KMT5C: variants seen among roughly 807,000 people sequenced by gnomAD.
KMT5C encodes the protein histone-lysine N-methyltransferase KMT5C.
In KMT5C, 16 loss-of-function variants were observed where a neutral mutation model predicts 38.2. That is an observed-to-expected ratio of 0.42 (90% CI 0.28 to 0.64). KMT5C has a LOEUF of 0.64. KMT5C is among the 30% of genes least tolerant of loss of function. The probability of loss-of-function intolerance (pLI) is 0.23; values close to 1 mark genes in which losing one functional copy is unlikely to be tolerated. For missense variants in KMT5C, 598 were observed against 665.1 expected (o/e 0.90, Z 1.11); for synonymous variants, 291 against 279.0 (o/e 1.04, Z -0.43).
intron 8 of KMT5C, 67 bp downstream of exon 8, chr19:55,346,754 C>A: frequency 7.5e-7 from 1 of 1,336,644 alleles, no homozygotes; most frequent in Non-Finnish European, 1.0e-6. Context: ...TGTCTCCTTT[C>A]TTCTGAGCTC....
Position 55,347,360 on chromosome 19 carries a change from G to T in KMT5C, c.1300G>T (p.Ala434Ser). The T allele has an allele frequency of 3.2e-6, 5 of 1,581,514 alleles. No homozygotes were observed. Among genetic ancestry groups the T allele is most frequent in the Non-Finnish European group, 3.4e-6 (4 of 1,168,672 alleles). The change falls in exon 9 of 9, where the codon GCC (alanine) becomes TCC (serine). Residue 434 changes from alanine to serine, a missense_variant. Physicochemically the swap from Ala to Ser is moderately conservative, Grantham distance 99 (BLOSUM62 1). Coordinates refer to ENST00000255613, the MANE Select transcript of KMT5C (RefSeq NM_032701.4). The surrounding 1 kb of genome is among the most constrained non-coding windows in gnomAD (Gnocchi z 4.6). ...GPILIPKQAL[A>S]FAPFSPPKRL... ...CATCCTGATCCCGAAGCAGGCCCTC[G>T]CCTTCGCCCCCTTCTCCCCACCCAA...
At chr19:55,345,927 A>G in intron 6 of KMT5C, 1 of 470,692 alleles carries the variant, frequency 2.1e-6, no homozygotes, top group Non-Finnish European at 3.9e-6. Flanking sequence ...CAGAGGCTGG[A>G]GGGAGTGGTC....
intron 1 of KMT5C, among the ~76,000 whole-genome samples, chr19:55,340,486 A>T (rs906592484): frequency 6.6e-6 from 1 of 150,738 alleles, no homozygotes; most frequent in African/African-American, 2.4e-5. Flanking sequence ...CACTCCCTGG[A>T]CCCTGAGGTC....
Position 55,342,058 on chromosome 19 carries a change from T to G in KMT5C, c.110+12T>G, listed in dbSNP as rs773616066. On this transcript the variant is annotated intron_variant, in intron 2 of 8. Coordinates refer to ENST00000255613, the MANE Select transcript of KMT5C (RefSeq NM_032701.4). ...AAGATGAACGTCAGGTGAGGTGGCC[T>G]GGGGGCGAGGGTGGGCCCGAGGGGT... is the stretch of plus-strand genomic sequence containing the variant. The G allele has an allele frequency of 1.9e-6, 3 of 1,608,144 alleles. No homozygotes were observed. The highest frequency in any genetic ancestry group is 2.6e-6 in the Non-Finnish European group (3 of 1,175,178).
chr19:55,345,320 C>T (rs1425720052), intron 6 of KMT5C: 16 of 347,206 alleles, frequency 4.6e-5, no homozygotes, highest in African/African-American at 6.4e-5. Flanking sequence ...CCTTGGGGTC[C>T]GGGCCAGGGA....
rs1426975523 is a variant in KMT5C, at chr19:55,347,571, G to C, written c.*122G>C. On this transcript the variant is annotated 3_prime_UTR_variant, in exon 9 of 9. Coordinates refer to ENST00000255613, the MANE Select transcript of KMT5C (RefSeq NM_032701.4). The surrounding 1 kb of genome is among the most constrained non-coding windows in gnomAD (Gnocchi z 4.6). ...TGACCCTTGACTCCAGCATAGCTCTGACCCTGGAATGGGGTTGGTTTGGAC... is the reference window on the plus strand; with the variant it reads ...TGACCCTTGACTCCAGCATAGCTCTCACCCTGGAATGGGGTTGGTTTGGAC... 1 of 1,408,546 alleles carries C rather than the reference G, an allele frequency of 7.1e-7. No individual in the cohort carries two copies. The highest frequency in any genetic ancestry group is 1.5e-5 in the African/African-American group (1 of 67,980). The allele number at this position is 1,408,546 out of a possible 1,614,324, so 87.3% of individuals were successfully genotyped here.
chr19:55,344,513 G>A (rs921673989), intron 6 of KMT5C: 1 of 366,330 alleles, frequency 2.7e-6, no homozygotes, highest in Non-Finnish European at 5.5e-6. Flanking sequence ...TGTTTGTGCA[G>A]TTGCACTGGA....
intron 1 of KMT5C, 98 bp from the exon 2 acceptor site, chr19:55,341,696 A>G (rs1256181021): frequency 7.1e-6 from 4 of 560,028 alleles, no homozygotes; most frequent in African/African-American, 3.8e-5. Flanking sequence ...GATGGCTGAC[A>G]TGGCTCTGGG....
Position 55,346,694 on chromosome 19 carries a change from AC to A in KMT5C, c.895+11del. The A allele has an allele frequency of 2.6e-6, 4 of 1,538,408 alleles. No individual in the cohort carries two copies. Among genetic ancestry groups the A allele is most frequent in the South Asian group, 1.2e-5 (1 of 82,314 alleles). On this transcript the variant is annotated splice_region_variant and intron_variant, in intron 8 of 8. Coordinates refer to ENST00000255613, the MANE Select transcript of KMT5C (RefSeq NM_032701.4). ...CGCCGGGACCCATTCTGCGGTGAGC[AC>A]CCCTCCCTGCCATCCCAGCAGCCCC...
intron 6 of KMT5C, chr19:55,345,207 C>T: frequency 2.6e-6 from 1 of 382,344 alleles, no homozygotes; most frequent in South Asian, 1.9e-5. Context: ...GTAGAATTTC[C>T]CTAGGTGTTA....
In KMT5C at chr19:55,347,585, GTTGGT is replaced by G; in HGVS notation, c.*141_*145del. The G allele has an allele frequency of 5.8e-6, 8 of 1,383,516 alleles. No homozygotes were observed. The highest frequency in any genetic ancestry group is 6.6e-6 in the Non-Finnish European group (7 of 1,063,914). 85.7% of individuals were successfully genotyped at this position (1,383,516 alleles called of 1,614,324 possible). On this transcript the variant is annotated 3_prime_UTR_variant, in exon 9 of 9. Coordinates refer to ENST00000255613, the MANE Select transcript of KMT5C (RefSeq NM_032701.4). The surrounding 1 kb of genome is among the most constrained non-coding windows in gnomAD (Gnocchi z 4.6). ...AGCATAGCTCTGACCCTGGAATGGG[GTTGGT>G]TTGGACACCCCCAGGGATCTGAGCC...
chr19:55,345,243 G>A (rs944092200), intron 6 of KMT5C: 6 of 365,794 alleles, frequency 1.6e-5, no homozygotes, highest in South Asian at 6.1e-5. Flanking sequence ...AAAGGGGGGC[G>A]TCTAGCAGGA....
intron 2 of KMT5C, 67 bp from the exon 3 acceptor site, chr19:55,342,148 G>C: frequency 6.3e-7 from 1 of 1,588,796 alleles, no homozygotes; most frequent in Non-Finnish European, 8.6e-7. Context: ...CCTCCCCTCA[G>C]CTCCAAGTGG....
At chr19:55,342,658 G>A in intron 3 of KMT5C, 84 bp from the exon 4 acceptor site, 1 of 800,334 alleles carries the variant, frequency 1.2e-6, no homozygotes. Context: ...GTGAGTCAGT[G>A]GCATGGCAGG....
chr19:55,347,514 C>T lies in KMT5C; in HGVS notation c.*65C>T. On this transcript the variant is annotated 3_prime_UTR_variant, in exon 9 of 9. Coordinates refer to ENST00000255613, the MANE Select transcript of KMT5C (RefSeq NM_032701.4). This position sits in a 1 kb window ranked among gnomAD's most constrained non-coding sequence, Gnocchi z 4.6. ...TCTCCTAGCTGCTACCCAGGACCTC[C>T]AGAAGGAGCCCTTGGACCTCTGGGA... The T allele has an allele frequency of 6.8e-7, 1 of 1,477,900 alleles. No individual in the cohort carries two copies. The highest frequency in any genetic ancestry group is 1.4e-5 in the South Asian group (1 of 71,344). The allele number at this position is 1,477,900 out of a possible 1,614,324, so 91.5% of individuals were successfully genotyped here.
At chr19:55,342,901 G>T (rs1183958707) in intron 4 of KMT5C, 50 bp downstream of exon 4, 1 of 1,141,096 alleles carries the variant, frequency 8.8e-7, no homozygotes, top group African/African-American at 1.5e-5. Context: ...ACAGAGCTCA[G>T]AGGGGACAAG....
chr19:55,340,506 C>T (rs373203503), intron 1 of KMT5C, among the ~76,000 whole-genome samples: 2 of 151,960 alleles, frequency 1.3e-5, no homozygotes, highest in South Asian at 4.1e-4. Flanking sequence ...CGGCCTCTGA[C>T]CCTCCAGGTC....
chr19:55,346,154 G>T, intron 6 of KMT5C, 59 bp from the exon 7 acceptor site: 3 of 1,605,102 alleles, frequency 1.9e-6, no homozygotes, highest in African/African-American at 1.3e-5. Context: ...CAGGTGTGGG[G>T]AGTGGGTGAG....
rs188917362 is a variant in KMT5C at position 55,345,123 on chromosome 19, G to T, written c.571-1090G>T. On this transcript the variant is annotated intron_variant, in intron 6 of 8. Coordinates refer to ENST00000255613, the MANE Select transcript of KMT5C (RefSeq NM_032701.4). ...TGTGCTCCAGCCACCTTGAGCACAC[G>T]AGAGGGCGGCCAGCTCTCCAGCGAT... The T allele has an allele frequency of 3.6e-4, 164 of 453,170 alleles. 1 individual carries two copies. Among genetic ancestry groups the T allele is most frequent in the South Asian group, 2.3e-3 (145 of 64,430 alleles). 28.1% of individuals were successfully genotyped at this position (453,170 alleles called of 1,614,324 possible). A position where few individuals can be genotyped will look rare whatever the true frequency, so the allele number is the denominator to read the frequency against.
Sources: allele counts gnomAD v4.1 joint callset (sites outside exome capture counted in the v4.1 genomes callset), GRCh38; gene constraint gnomAD v4.1.1; non-coding constraint Gnocchi (gnomAD v3.1); transcripts MANE v1.5; gene names NCBI Gene and HGNC (gene_info 2026-07-23, HGNC 2026-07-21).